Variants in MAGED1 observed in about 807,000 individuals in gnomAD.
The protein encoded by MAGED1 is MAGE family member D1.
In MAGED1, 3 loss-of-function variants were observed where a neutral mutation model predicts 54.1. The ratio of observed to expected loss-of-function variants is 0.06; its 90% CI spans 0.03 to 0.14. MAGED1 has a LOEUF of 0.14. Ranked by LOEUF, MAGED1 falls within the 10% of genes least tolerant of loss-of-function variation. The pLI is 1.00. For synonymous variants in MAGED1, 217 were observed against 227.3 expected (o/e 0.95, Z 0.41); for missense variants, 485 against 623.4 (o/e 0.78, Z 2.36).
chrX:51,841,011 C>T, intron 1 of MAGED1, among the ~76,000 whole-genome samples: 1 of 110,137 alleles, frequency 9.1e-6, no homozygotes, highest in Non-Finnish European at 1.9e-5. Flanking sequence ...AATTGCCACA[C>T]TGACTTCCAC....
At chrX:51,858,523 C>A (rs781887747) in intron 1 of MAGED1, among the ~76,000 whole-genome samples, 1 of 111,893 alleles carries the variant, frequency 8.9e-6, no homozygotes, top group African/African-American at 3.2e-5. Flanking sequence ...TGAAAGATTT[C>A]ATTAATAACA....
At chrX:51,866,939 G>GTATCCA (rs1569555871) in intron 1 of MAGED1, among the ~76,000 whole-genome samples, 1 of 111,856 alleles carries the variant, frequency 8.9e-6, no homozygotes, top group Non-Finnish European at 1.9e-5. Context: ...CCAGTAAAGA[G>GTATCCA]AATTTATATG....
At chrX:51,897,719 A>C in intron 6 of MAGED1, 76 bp from the exon 7 acceptor site, 9 of 1,045,363 alleles carry the variant, frequency 8.6e-6, no homozygotes, top group Non-Finnish European at 1.2e-5. Flanking sequence ...GGCAAGTCTC[A>C]GGGAGATGAG....
intron 1 of MAGED1, among the ~76,000 whole-genome samples, chrX:51,828,723 A>G (rs1022226208): frequency 2.7e-5 from 3 of 111,655 alleles, no homozygotes; most frequent in Non-Finnish European, 3.8e-5. Context: ...TGGAGCTACA[A>G]TTAGAGGTGC....
chrX:51,851,747 G>T (rs1926901743), intron 1 of MAGED1, among the ~76,000 whole-genome samples: 1 of 109,127 alleles, frequency 9.2e-6, no homozygotes, highest in East Asian at 2.9e-4. Context: ...GGCCCAGGTG[G>T]TACAGCCAGA....
intron 1 of MAGED1, among the ~76,000 whole-genome samples, chrX:51,886,930 C>G (rs1557362871): frequency 9.1e-6 from 1 of 110,012 alleles, no homozygotes; most frequent in South Asian, 4.0e-4. Flanking sequence ...GTGTCACGCA[C>G]CTGTGGTCCC....
At chrX:51,835,770 G>A (rs967841480) in intron 1 of MAGED1, among the ~76,000 whole-genome samples, 13 of 111,265 alleles carry the variant, frequency 1.2e-4, no homozygotes, top group African/African-American at 3.6e-4. Flanking sequence ...TTCCTCTCCC[G>A]GGACTCTGAG....
chrX:51,894,319 G>A lies in MAGED1; in HGVS notation c.15G>A (p.Met5Ile). 1 of 1,203,637 alleles carries A rather than the reference G, an allele frequency of 8.3e-7. No homozygotes were observed. The highest frequency in any genetic ancestry group is 1.1e-6 in the Non-Finnish European group (1 of 891,720). MAQK[M>I]DCGAGLLGFQ... ...GGACAGGAGCCATGGCTCAGAAAAT[G>A]GACTGTGGTGCGGGCCTCCTCGGCT... The change falls in exon 2 of 13, where the codon ATG becomes ATA. Residue 5 changes from methionine (M) to isoleucine (I), a missense_variant. Coordinates refer to ENST00000326587, the MANE Select transcript of MAGED1 (RefSeq NM_006986.4).
At chrX:51,805,411 A>T (rs782548922) in intron 1 of MAGED1, among the ~76,000 whole-genome samples, 1 of 110,854 alleles carries the variant, frequency 9.0e-6, no homozygotes, top group East Asian at 2.8e-4. Context: ...CAGTTTATGG[A>T]GTTAAGGTTT....
At chrX:51,878,409 T>A (rs1432457095) in intron 1 of MAGED1, among the ~76,000 whole-genome samples, 2 of 111,784 alleles carry the variant, frequency 1.8e-5, no homozygotes, top group Admixed American at 9.5e-5. Context: ...CTTCAGATCT[T>A]ATTAACATCA....
upstream of MAGED1, among the ~76,000 whole-genome samples, chrX:51,889,084 G>A (rs1928341253): frequency 9.1e-6 from 1 of 110,493 alleles, no homozygotes; most frequent in African/African-American, 3.3e-5. Flanking sequence ...TTCCACATGT[G>A]ATAAGGTGAT....
At chrX:51,820,357 A>G (rs1387037035) in intron 1 of MAGED1, among the ~76,000 whole-genome samples, 1 of 112,200 alleles carries the variant, frequency 8.9e-6, no homozygotes, top group African/African-American at 3.2e-5. Context: ...TCTATAGATC[A>G]GTTTGGAGAG....
chrX:51,851,892 A>T lies in MAGED1; in HGVS notation c.-36-42377A>T, dbSNP rs782760336. ...AACTGCAGAAAGTGAAACCACAGAT[A>T]AGGGGGTACTGCTGTATAGAGATGG... On this transcript the variant is annotated intron_variant, in intron 1 of 12. Transcript: ENST00000375772. Among the ~76,000 whole-genome samples, 23 of 112,006 alleles carry T rather than the reference A, an allele frequency of 2.1e-4. No homozygotes were observed. In the South Asian group the frequency reaches 8.2e-3, roughly 40 times the overall value.
intron 1 of MAGED1, among the ~76,000 whole-genome samples, chrX:51,860,260 G>A (rs782558358): frequency 4.5e-5 from 5 of 111,195 alleles, no homozygotes; most frequent in East Asian, 2.8e-4. Context: ...GTGAGACTCC[G>A]TCTCAAAAAG....
chrX:51,830,935 C>T (rs1366439604), intron 1 of MAGED1, among the ~76,000 whole-genome samples: 5 of 112,126 alleles, frequency 4.5e-5, no homozygotes, highest in Non-Finnish European at 9.4e-5. Flanking sequence ...GATCTCAGCT[C>T]ACTACAACCT....
chrX:51,878,510 C>T (rs1247451955), intron 1 of MAGED1, among the ~76,000 whole-genome samples: 2 of 111,133 alleles, frequency 1.8e-5, no homozygotes, highest in African/African-American at 6.5e-5. Context: ...TTGTTAAATA[C>T]ATACTGAAGC....
chrX:51,900,533 T>G (rs919623696), intron 11 of MAGED1, among the ~76,000 whole-genome samples: 1 of 111,881 alleles, frequency 8.9e-6, no homozygotes, highest in Non-Finnish European at 1.9e-5. Flanking sequence ...TTTAAAGTAT[T>G]TTTATTTTTT....
At chrX:51,877,838 T>C (rs1429943758) in intron 1 of MAGED1, among the ~76,000 whole-genome samples, 1 of 111,991 alleles carries the variant, frequency 8.9e-6, no homozygotes, top group Non-Finnish European at 1.9e-5. Context: ...TTCCCAATGT[T>C]TTTCAGATGA....
At chrX:51,852,574 A>G (rs1194090624) in intron 1 of MAGED1, among the ~76,000 whole-genome samples, 4 of 112,450 alleles carry the variant, frequency 3.6e-5, no homozygotes, top group Non-Finnish European at 7.5e-5. Flanking sequence ...GTATTAACAG[A>G]GAATAGAACT....
Sources: allele counts gnomAD v4.1 joint callset (sites outside exome capture counted in the v4.1 genomes callset), GRCh38; gene constraint gnomAD v4.1.1; transcripts MANE v1.5; gene names NCBI Gene and HGNC (gene_info 2026-07-23, HGNC 2026-07-21).